The following PITPNC1 variants were observed in gnomAD, a reference collection of about 807,000 sequenced individuals.
PITPNC1 encodes the protein phosphatidylinositol transfer protein cytoplasmic 1, also known as cytoplasmic phosphatidylinositol transfer protein 1.
Under a neutral mutation model 44.7 loss-of-function variants are expected in PITPNC1, and 18 were observed. That is an observed-to-expected ratio of 0.40 (90% CI 0.28 to 0.60). The LOEUF (loss-of-function observed/expected upper bound fraction) is 0.60. PITPNC1 is among the 20% of genes least tolerant of loss of function. PITPNC1 has a pLI of 0.39. For missense variants in PITPNC1, 290 were observed against 418.4 expected (o/e 0.69, Z 2.68); for synonymous variants, 141 against 149.6 (o/e 0.94, Z 0.42).
chr17:67,608,086 G>A (rs879854275), intron 5 of PITPNC1, among the ~76,000 whole-genome samples: 17 of 152,140 alleles, frequency 1.1e-4, no homozygotes, highest in South Asian at 4.2e-4. Flanking sequence ...TTTCCCTTAC[G>A]TAACCATCGT....
At chr17:67,583,213 T>A (rs1012624924) in intron 5 of PITPNC1, among the ~76,000 whole-genome samples, 1 of 152,182 alleles carries the variant, frequency 6.6e-6, no homozygotes, top group African/African-American at 2.4e-5. Flanking sequence ...GAACCTGATA[T>A]GTTCCCTCAG....
At chr17:67,590,145 T>A (rs1398257552) in intron 5 of PITPNC1, among the ~76,000 whole-genome samples, 1 of 152,160 alleles carries the variant, frequency 6.6e-6, no homozygotes, top group Non-Finnish European at 1.5e-5. Flanking sequence ...TGAAATCATG[T>A]TAATGTTTTC....
intron 1 of PITPNC1, among the ~76,000 whole-genome samples, chr17:67,513,195 C>G (rs919116017): frequency 6.6e-6 from 1 of 151,962 alleles, no homozygotes; most frequent in Non-Finnish European, 1.5e-5. Context: ...GAAACCCCAT[C>G]TCTACTAAAA....
At chr17:67,671,256 C>G (rs1320709369) in intron 7 of PITPNC1, among the ~76,000 whole-genome samples, 1 of 152,172 alleles carries the variant, frequency 6.6e-6, no homozygotes, top group Non-Finnish European at 1.5e-5. Flanking sequence ...TAACATGACT[C>G]TGTCCCTCAT....
chr17:67,634,952 C>T (rs112003308), intron 6 of PITPNC1, among the ~76,000 whole-genome samples: 2,510 of 152,226 alleles, frequency 0.016, 65 homozygotes, highest in African/African-American at 0.056. Flanking sequence ...ACTCAGAAGA[C>T]TGAGGCAGGA....
intron 1 of PITPNC1, among the ~76,000 whole-genome samples, chr17:67,517,828 G>A (rs865884303): frequency 6.6e-6 from 1 of 152,144 alleles, no homozygotes; most frequent in Non-Finnish European, 1.5e-5. Flanking sequence ...ATTGGATAGC[G>A]GTGATGATTT....
chr17:67,585,308 C>T (rs1302141342), intron 5 of PITPNC1, among the ~76,000 whole-genome samples: 1 of 152,158 alleles, frequency 6.6e-6, no homozygotes, highest in East Asian at 1.9e-4. Flanking sequence ...CACAAGTCCA[C>T]TTGAGGCTTG....
intron 4 of PITPNC1, among the ~76,000 whole-genome samples, chr17:67,560,953 CCTTTT>C (rs1598822280): frequency 6.6e-6 from 1 of 152,268 alleles, no homozygotes; most frequent in East Asian, 1.9e-4. Flanking sequence ...AAGAAATTCT[CCTTTT>C]CTTCTTTTTT....
intron 1 of PITPNC1, among the ~76,000 whole-genome samples, chr17:67,475,886 G>T (rs1216649340): frequency 6.6e-6 from 1 of 152,150 alleles, no homozygotes; most frequent in Non-Finnish European, 1.5e-5. Context: ...GTCAGTTAAG[G>T]CATTGGGCTG....
chr17:67,430,895 G>C (rs570379102), intron 1 of PITPNC1, among the ~76,000 whole-genome samples: 22 of 152,044 alleles, frequency 1.4e-4, no homozygotes, highest in African/African-American at 5.3e-4. Flanking sequence ...GTTGCAGTGA[G>C]AAATGATCAC....
rs1312010111 is a variant in PITPNC1, at chr17:67,436,918, T to TG, written c.48+58716_48+58717insG. 4.8e-5 allele frequency among the ~76,000 whole-genome samples: 6 copies of TG among 124,188 alleles called. No individual in the cohort carries two copies. In the East Asian group the frequency reaches 1.1e-3, roughly 22 times the overall value. 81.5% of individuals were successfully genotyped at this position (124,188 alleles called of 152,430 possible). A position where few individuals can be genotyped will look rare whatever the true frequency, so the allele number is the denominator to read the frequency against. ...TTTGAAAATAGGGGTGTTTTTTTTTTTTTTTTTTTTTTTTTTTTGAGACAG... is the reference window on the plus strand; with the variant it reads ...TTTGAAAATAGGGGTGTTTTTTTTTTGTTTTTTTTTTTTTTTTTTGAGACAG... On this transcript the variant is annotated intron_variant, in intron 1 of 8. Coordinates refer to ENST00000581322, the MANE Select transcript of PITPNC1 (RefSeq NM_012417.4).
At chr17:67,504,933 G>A (rs1568017724) in intron 1 of PITPNC1, among the ~76,000 whole-genome samples, 1 of 152,050 alleles carries the variant, frequency 6.6e-6, no homozygotes, top group Non-Finnish European at 1.5e-5. Flanking sequence ...TTGGTATGTT[G>A]TATCTTCATT....
chr17:67,611,770 CAATG>C (rs1270627283), intron 5 of PITPNC1: 2 of 152,212 alleles, frequency 1.3e-5, no homozygotes, highest in Admixed American at 1.3e-4. Context: ...GCCACCCGGC[CAATG>C]AATGGTTTTT....
At chr17:67,476,103 G>T (rs911998009) in intron 1 of PITPNC1, among the ~76,000 whole-genome samples, 1 of 151,846 alleles carries the variant, frequency 6.6e-6, no homozygotes, top group Non-Finnish European at 1.5e-5. Context: ...GACTAAATTT[G>T]TCTTGATACC....
intron 1 of PITPNC1, chr17:67,459,682 G>A (rs1598693115): frequency 6.6e-6 from 1 of 152,116 alleles, no homozygotes; most frequent in African/African-American, 2.4e-5. Context: ...ACCACATTGA[G>A]TTCTGGACAT....
intron 6 of PITPNC1, among the ~76,000 whole-genome samples, chr17:67,650,824 C>T (rs2042201629): frequency 6.6e-6 from 1 of 152,194 alleles, no homozygotes; most frequent in Non-Finnish European, 1.5e-5. Context: ...CTTCTTAAAG[C>T]AATGAGTTTC....
chr17:67,579,363 G>T (rs1311452993), intron 5 of PITPNC1, among the ~76,000 whole-genome samples: 1 of 152,178 alleles, frequency 6.6e-6, no homozygotes, highest in Non-Finnish European at 1.5e-5. Flanking sequence ...AGAAGCTTCG[G>T]GGCTTCCCCA....
chr17:67,514,963 G>C (rs2040238606), intron 1 of PITPNC1, among the ~76,000 whole-genome samples: 1 of 152,200 alleles, frequency 6.6e-6, no homozygotes, highest in Non-Finnish European at 1.5e-5. Context: ...CCTATGTTAT[G>C]ATCATGTTGA....
chr17:67,444,021 T>A (rs1249760686), intron 1 of PITPNC1, among the ~76,000 whole-genome samples: 1 of 152,014 alleles, frequency 6.6e-6, no homozygotes, highest in Non-Finnish European at 1.5e-5. Context: ...TATTTTCAGA[T>A]TTTTTACTAT....
Sources: gnomAD v4.1 joint callset for allele counts (sites outside exome capture counted in the v4.1 genomes callset) on GRCh38, gnomAD v4.1.1 for gene constraint, MANE v1.5 for transcripts, NCBI Gene and HGNC (gene_info 2026-07-23, HGNC 2026-07-21) for gene names.